GALNT2: variants seen among roughly 807,000 people sequenced by gnomAD.
GALNT2 encodes the protein polypeptide N-acetylgalactosaminyltransferase 2, also known as UDP-GalNAc:polypeptide N-acetylgalactosaminyltransferase 2.
A neutral mutation model predicts 81.4 loss-of-function variants in GALNT2; 31 were observed. The ratio of observed to expected loss-of-function variants is 0.38; its 90% CI spans 0.29 to 0.51. The LOEUF is 0.51. Among genes scored for constraint, GALNT2 ranks in the 20% least tolerant of loss-of-function variants. The pLI is 0.87. For synonymous variants in GALNT2, 303 were observed against 287.4 expected (o/e 1.05, Z -0.55); for missense variants, 629 against 765.7 (o/e 0.82, Z 2.11).
chr1:230,135,458 T>G (rs993522883), intron 1 of GALNT2, among the ~76,000 whole-genome samples: 1 of 152,230 alleles, frequency 6.6e-6, no homozygotes, highest in Non-Finnish European at 1.5e-5. Context: ...TCTGAGGTGC[T>G]TTTTACTTTT....
At chr1:230,201,163 G>A (rs1249653941) in intron 2 of GALNT2, among the ~76,000 whole-genome samples, 1 of 152,192 alleles carries the variant, frequency 6.6e-6, no homozygotes, top group Non-Finnish European at 1.5e-5. Context: ...CATGTTTCCA[G>A]TAACATGTTT....
At chr1:230,206,466 A>G (rs1664060140) in intron 3 of GALNT2, among the ~76,000 whole-genome samples, 2 of 152,188 alleles carry the variant, frequency 1.3e-5, no homozygotes, top group African/African-American at 2.4e-5. Context: ...ATTAAAGTCT[A>G]TCCATAGTCA....
intron 3 of GALNT2, among the ~76,000 whole-genome samples, chr1:230,206,657 G>C (rs1181654878): frequency 6.6e-6 from 1 of 152,152 alleles, no homozygotes; most frequent in East Asian, 1.9e-4. Flanking sequence ...TGTCTCTGCA[G>C]TATCTACCTT....
At chr1:230,094,163 ATTTTTTTTTTTTTTTTT>A (rs58639878) in intron 1 of GALNT2, among the ~76,000 whole-genome samples, 16 of 119,378 alleles carry the variant, frequency 1.3e-4, no homozygotes, top group Non-Finnish European at 8.5e-5. Flanking sequence ...ATGCTGGCTA[ATTTTTTTTTTTTTTTTT>A]TTTTTTTTTT....
Position 230,275,999 on chromosome 1 carries a change from CAT to C in GALNT2, c.1560+1443_1560+1444del, listed in dbSNP as rs1255589075. Among the ~76,000 whole-genome samples, 1 of 74,644 alleles carries C rather than the reference CAT, an allele frequency of 1.3e-5. No individual in the cohort carries two copies. The highest frequency in any genetic ancestry group is 2.6e-5 in the Non-Finnish European group (1 of 37,972). 49.0% of individuals were successfully genotyped at this position (74,644 alleles called of 152,430 possible). ...TATATATACGTATATATACATGCCA[CAT>C]ATATATACGTATATATACATGCCAC... On this transcript the variant is annotated intron_variant, in intron 15 of 15. Transcript: ENST00000366672. The surrounding 1 kb of genome is among the most constrained non-coding windows in gnomAD (Gnocchi z 5.5).
intron 1 of GALNT2, among the ~76,000 whole-genome samples, chr1:230,061,480 C>A (rs946774864): frequency 1.3e-5 from 2 of 152,120 alleles, no homozygotes; most frequent in Non-Finnish European, 2.9e-5. Context: ...GAGCACATAG[C>A]TGGCATACTT....
intron 1 of GALNT2, among the ~76,000 whole-genome samples, chr1:230,105,012 G>A (rs1370157479): frequency 2.6e-5 from 4 of 152,214 alleles, no homozygotes; most frequent in Non-Finnish European, 5.9e-5. Context: ...GTGGCGCTGT[G>A]GATTCAGACC....
chr1:230,129,191 G>A (rs571131026), intron 1 of GALNT2, among the ~76,000 whole-genome samples: 103 of 152,334 alleles, frequency 6.8e-4, no homozygotes, highest in African/African-American at 2.2e-3. Context: ...AATAGATTGT[G>A]TTGCCAGGAT....
chr1:230,193,795 T>G lies in GALNT2; in HGVS notation c.221-9342T>G, dbSNP rs893990515. The stretch of plus-strand genomic sequence containing the variant: ...CCCAGAATGAACTGTCCCATGGAAA[T>G]GGTGTCCTGAGTGGCACTTAGGAGC... On this transcript the variant is annotated intron_variant, in intron 2 of 15. Transcript: ENST00000366672. The surrounding 1 kb of genome is among the most constrained non-coding windows in gnomAD (Gnocchi z 4.3). Among the ~76,000 whole-genome samples, 1 of 152,166 alleles carries G rather than the reference T, an allele frequency of 6.6e-6. No individual in the cohort carries two copies. The highest frequency in any genetic ancestry group is 1.5e-5 in the Non-Finnish European group (1 of 68,020).
At chr1:230,195,909 C>G (rs935643467) in intron 2 of GALNT2, among the ~76,000 whole-genome samples, 3 of 152,108 alleles carry the variant, frequency 2.0e-5, no homozygotes, top group South Asian at 2.1e-4. Flanking sequence ...GGGGACAATC[C>G]TCAGATAGGG....
chr1:230,195,108 G>C (rs572558328), intron 2 of GALNT2, among the ~76,000 whole-genome samples: 144 of 152,352 alleles, frequency 9.5e-4, no homozygotes, highest in African/African-American at 3.0e-3. Flanking sequence ...CATTTTAAAC[G>C]GCTTTCAGTG....
At chr1:230,241,502 A>C (rs926439445) in intron 6 of GALNT2, among the ~76,000 whole-genome samples, 4 of 151,706 alleles carry the variant, frequency 2.6e-5, no homozygotes, top group African/African-American at 9.7e-5. Flanking sequence ...GCTGGAGTGC[A>C]GTGGTGTGAT....
intron 10 of GALNT2, among the ~76,000 whole-genome samples, chr1:230,254,599 C>T (rs934203745): frequency 6.6e-6 from 1 of 152,166 alleles, no homozygotes; most frequent in Non-Finnish European, 1.5e-5. Flanking sequence ...ATTTAATAAA[C>T]TTTTCCATTT....
chr1:230,119,384 C>T (rs60415639), intron 1 of GALNT2, among the ~76,000 whole-genome samples: 24,761 of 152,042 alleles, frequency 0.16, 2,103 homozygotes, highest in South Asian at 0.23. Context: ...AATGTGAAGT[C>T]GGGTGTAGAG....
At chr1:230,249,400 C>T in intron 9 of GALNT2, 129 bp downstream of exon 9, 1 of 708,698 alleles carries the variant, frequency 1.4e-6, no homozygotes, top group Non-Finnish European at 2.4e-6. Flanking sequence ...TTCCCCTCGT[C>T]TCAGCTCAAA....
At position 230,236,018 on chromosome 1, in the gene GALNT2, C is replaced by G; in HGVS notation, c.379C>G (p.Gln127Glu). 1 of 1,614,064 alleles carries G rather than the reference C, an allele frequency of 6.2e-7. No homozygotes were observed. ...AIPDTRHDQCQRKQWRVDLPA... is the reference protein window; with the variant it reads ...AIPDTRHDQCERKQWRVDLPA... ...ACCATCTTTCTCTTCCTGCAGGTGT[C>G]AGCGGAAGCAGTGGCGGGTGGATCT... Residue 127 changes from glutamine to glutamate, a missense_variant, in exon 4 of 16, where the codon CAG becomes GAG. This residue lies in a region of GALNT2 where 360 missense variants were observed against 492.8 expected (regional missense o/e 0.73). Coordinates refer to ENST00000366672, the MANE Select transcript of GALNT2 (RefSeq NM_004481.5).
At chr1:230,060,923 T>C (rs1659031642) in intron 1 of GALNT2, among the ~76,000 whole-genome samples, 1 of 152,186 alleles carries the variant, frequency 6.6e-6, no homozygotes. Flanking sequence ...TCTGCTTCTC[T>C]CTTTCTCTCT....
intron 1 of GALNT2, among the ~76,000 whole-genome samples, chr1:230,148,371 A>G (rs1266821115): frequency 2.0e-5 from 3 of 152,110 alleles, no homozygotes; most frequent in Admixed American, 2.0e-4. Context: ...TCCCTTCCTC[A>G]CTGTGGACTC....
In GALNT2 at chr1:230,164,991, C is replaced by T. The variant is rs148520706; in HGVS notation, c.127-13227C>T. On this transcript the variant is annotated intron_variant, in intron 1 of 15. Coordinates refer to ENST00000366672, the MANE Select transcript of GALNT2 (RefSeq NM_004481.5). Reference sequence around the variant, plus strand: ...AGGTTCCTGTAGTGGCTTTGGGCAGCATTTGGAACCACTGGCCAGATAAGA... The same window carrying T: ...AGGTTCCTGTAGTGGCTTTGGGCAGTATTTGGAACCACTGGCCAGATAAGA... Among the ~76,000 whole-genome samples, 800 of 152,312 alleles carry T rather than the reference C, an allele frequency of 5.3e-3. 5 individuals are homozygous for T. Among genetic ancestry groups the T allele is most frequent in the Non-Finnish European group, 7.6e-3 (520 of 68,026 alleles).
Sources: allele counts gnomAD v4.1 joint callset (sites outside exome capture counted in the v4.1 genomes callset), GRCh38; gene constraint gnomAD v4.1.1; regional missense constraint gnomAD v4.1.1; non-coding constraint Gnocchi (gnomAD v3.1); transcripts MANE v1.5; gene names NCBI Gene and HGNC (gene_info 2026-07-23, HGNC 2026-07-21).